The following DUS2 variants were observed in gnomAD, a reference collection of about 807,000 sequenced individuals.
DUS2 encodes tRNA-dihydrouridine(20) synthase [NAD(P)+]-like.
Under a neutral mutation model 71.3 loss-of-function variants are expected in DUS2, and 52 were observed. That is an observed-to-expected ratio of 0.73 (90% CI 0.58 to 0.92). The LOEUF (loss-of-function observed/expected upper bound fraction) is 0.92, where lower values mean the gene tolerates loss of function less well. DUS2 is among the 40% of genes least tolerant of loss of function. The pLI is 0.00. For synonymous variants in DUS2, 204 were observed against 227.8 expected (o/e 0.90, Z 0.94); for missense variants, 558 against 622.6 (o/e 0.90, Z 1.10).
intron 7 of DUS2, 99 bp downstream of exon 7, chr16:68,056,523 G>C (rs1297481279): frequency 1.1e-6 from 1 of 935,934 alleles, no homozygotes. Flanking sequence ...ACTGGATTCT[G>C]TACTAGATGG....
chr16:68,038,500 C>T (rs576277446), intron 3 of DUS2, among the ~76,000 whole-genome samples: 3 of 152,060 alleles, frequency 2.0e-5, no homozygotes, highest in South Asian at 2.1e-4. Flanking sequence ...GAGGCCAAGG[C>T]GGGCAGATCA....
rs747911341 is a variant in DUS2 at position 68,070,939 on chromosome 16, G to A, written c.642-1G>A. ...CCCCTAACCCTCTGGTTGCTTTTTAGCGGAGGATCTCATGACCACATCCAA... is the reference window on the plus strand; with the variant it reads ...CCCCTAACCCTCTGGTTGCTTTTTAACGGAGGATCTCATGACCACATCCAA... On this transcript the variant is annotated splice_acceptor_variant, in intron 11 of 16. Coordinates refer to ENST00000565263, the MANE Select transcript of DUS2 (RefSeq NM_017803.5). LOFTEE classifies it high-confidence loss of function. 3 of 1,613,904 alleles carry A rather than the reference G, an allele frequency of 1.9e-6. No individual in the cohort carries two copies. The highest frequency in any genetic ancestry group is 2.2e-5 in the South Asian group (2 of 91,076).
At chr16:68,064,772 C>T (rs868041492) in intron 8 of DUS2, among the ~76,000 whole-genome samples, 1 of 152,236 alleles carries the variant, frequency 6.6e-6, no homozygotes, top group African/African-American at 2.4e-5. Context: ...GCCAGCAGGT[C>T]CTGTCTTGCT....
chr16:68,033,297 T>G (rs1598299968), intron 2 of DUS2, among the ~76,000 whole-genome samples: 1 of 152,054 alleles, frequency 6.6e-6, no homozygotes, highest in East Asian at 1.9e-4. Context: ...GAAGGTTATT[T>G]CAATAGAAGT....
At chr16:68,037,984 T>A (rs967515491) in intron 2 of DUS2, 22 bp from the exon 3 acceptor site, 4 of 1,601,348 alleles carry the variant, frequency 2.5e-6, no homozygotes, top group South Asian at 1.1e-5. Flanking sequence ...TTTCTGACTC[T>A]TGTTTCCTCT....
chr16:68,059,739 A>G (rs1013312012), intron 7 of DUS2, among the ~76,000 whole-genome samples: 5 of 152,166 alleles, frequency 3.3e-5, no homozygotes, highest in African/African-American at 9.7e-5. Context: ...TACTGGCAGC[A>G]TATATTTATT....
chr16:68,041,827 A>G (rs1052888847), intron 3 of DUS2, among the ~76,000 whole-genome samples: 2 of 151,744 alleles, frequency 1.3e-5, no homozygotes, highest in African/African-American at 2.4e-5. Context: ...AAAAAAAAAA[A>G]AGAGAAATGA....
At chr16:68,038,889 T>A (rs898969582) in intron 3 of DUS2, among the ~76,000 whole-genome samples, 19 of 149,216 alleles carry the variant, frequency 1.3e-4, no homozygotes, top group East Asian at 2.0e-4. Context: ...TCTCTTTTTT[T>A]AAAAAAATTT....
chr16:68,059,984 A>G (rs186576546), intron 7 of DUS2, among the ~76,000 whole-genome samples: 1 of 152,272 alleles, frequency 6.6e-6, no homozygotes, highest in Non-Finnish European at 1.5e-5. Context: ...GGCTTTGGTT[A>G]GAGTTGGGCA....
chr16:68,057,731 A>G (rs1256325352), intron 7 of DUS2, among the ~76,000 whole-genome samples: 1 of 151,996 alleles, frequency 6.6e-6, no homozygotes, highest in Non-Finnish European at 1.5e-5. Context: ...ATTACAAGCA[A>G]TTAGCTGGGC....
intron 4 of DUS2, among the ~76,000 whole-genome samples, chr16:68,052,484 G>A (rs915195752): frequency 1.3e-5 from 2 of 152,224 alleles, no homozygotes; most frequent in Non-Finnish European, 2.9e-5. Flanking sequence ...TTGCAAATAT[G>A]CAACTATGAA....
In DUS2 at chr16:68,023,341, T is replaced by G; in HGVS notation, c.-109T>G. 9.3e-7 allele frequency: 1 copy of G among 1,081,052 alleles called. No individual in the cohort carries two copies. The highest frequency in any genetic ancestry group is 1.3e-6 in the Non-Finnish European group (1 of 764,818). The allele number at this position is 1,081,052 out of a possible 1,614,324, so 67.0% of individuals were successfully genotyped here. A position where few individuals can be genotyped will look rare whatever the true frequency, so the allele number is the denominator to read the frequency against. ...AAGAAGCGAGGTTCTTTTTAAGAGTTCAGCTGCGAGGTCTGTAGCTCCGAA... is the reference window on the plus strand; with the variant it reads ...AAGAAGCGAGGTTCTTTTTAAGAGTGCAGCTGCGAGGTCTGTAGCTCCGAA... On this transcript the variant is annotated 5_prime_UTR_variant, in exon 1 of 17. Coordinates refer to ENST00000565263, the MANE Select transcript of DUS2 (RefSeq NM_017803.5).
At chr16:68,047,570 G>A (rs548829076) in intron 3 of DUS2, among the ~76,000 whole-genome samples, 3 of 150,956 alleles carry the variant, frequency 2.0e-5, no homozygotes, top group Admixed American at 6.6e-5. Context: ...TGCAACCTCC[G>A]CCTCCCTGGT....
chr16:68,035,383 G>C (rs2033502282), intron 2 of DUS2, among the ~76,000 whole-genome samples: 1 of 150,240 alleles, frequency 6.7e-6, no homozygotes, highest in Non-Finnish European at 1.5e-5. Flanking sequence ...ATCTGACTCT[G>C]TGTTTTCCTT....
At chr16:68,027,599 GCT>G (rs1188672160) in intron 2 of DUS2, among the ~76,000 whole-genome samples, 2 of 152,242 alleles carry the variant, frequency 1.3e-5, no homozygotes, top group African/African-American at 4.8e-5. Context: ...CAGATTGTAT[GCT>G]CTCTGATGAG....
At chr16:68,039,321 C>G (rs901897613) in intron 3 of DUS2, among the ~76,000 whole-genome samples, 2 of 152,016 alleles carry the variant, frequency 1.3e-5, no homozygotes, top group Non-Finnish European at 2.9e-5. Context: ...GAAAATTAGG[C>G]TGGGCAGAGT....
At position 68,037,281 on chromosome 16, in the gene DUS2, T is replaced by C. The variant is rs182958232; in HGVS notation, c.-18-725T>C. Among the ~76,000 whole-genome samples, 4 of 152,138 alleles carry C rather than the reference T, an allele frequency of 2.6e-5. No homozygotes were observed. The East Asian group carries it at 7.7e-4, about 29-fold the overall frequency. On this transcript the variant is annotated intron_variant, in intron 2 of 16. Transcript: ENST00000565263. ...GTATGTGCATGTATACTAATTTTTA[T>C]GTTCAGGGAAAAGGAAAACAGGCCA...
intron 3 of DUS2, among the ~76,000 whole-genome samples, chr16:68,041,739 G>A (rs2033627847): frequency 6.6e-6 from 1 of 150,986 alleles, no homozygotes; most frequent in Admixed American, 6.6e-5. Context: ...TTGAACCCAT[G>A]AGGCAGAGGT....
At chr16:68,041,838 G>A (rs1022349740) in intron 3 of DUS2, among the ~76,000 whole-genome samples, 4 of 150,942 alleles carry the variant, frequency 2.7e-5, no homozygotes, top group African/African-American at 7.3e-5. Flanking sequence ...AGAGAAATGA[G>A]TGATTTTTAA....
Sources: allele counts gnomAD v4.1 joint callset (sites outside exome capture counted in the v4.1 genomes callset), GRCh38; gene constraint gnomAD v4.1.1; transcripts MANE v1.5; gene names NCBI Gene and HGNC (gene_info 2026-07-23, HGNC 2026-07-21).